Variants in ITGA2 observed in about 807,000 individuals in gnomAD.
ITGA2 encodes the protein integrin alpha-2.
In ITGA2, 101 loss-of-function variants were observed where a neutral mutation model predicts 146.3. That is an observed-to-expected ratio of 0.69 (90% confidence interval 0.59 to 0.81). ITGA2 has a LOEUF of 0.81. ITGA2 is among the 40% of genes least tolerant of loss of function. The pLI is 0.00. For synonymous variants in ITGA2, 477 were observed against 487.1 expected (o/e 0.98, Z 0.27); for missense variants, 1,281 against 1,402.7 (o/e 0.91, Z 1.39).
chr5:53,063,976 C>G (rs879762010), intron 13 of ITGA2, among the ~76,000 whole-genome samples: 11 of 151,744 alleles, frequency 7.2e-5, no homozygotes, highest in Admixed American at 6.6e-4. Flanking sequence ...GAACACTGAC[C>G]CAGTTTCATG....
intron 28 of ITGA2, 23 bp from the exon 29 acceptor site, chr5:53,089,922 TC>T (rs1740332129): frequency 7.2e-7 from 1 of 1,393,602 alleles, no homozygotes; most frequent in Non-Finnish European, 1.0e-6. Context: ...TTAAAATAAC[TC>T]AACTGTGAAC....
At position 53,011,114 on chromosome 5, in the gene ITGA2, C is replaced by A. The variant is rs187045648; in HGVS notation, c.65-15634C>A. Among the ~76,000 whole-genome samples the A allele has an allele frequency of 6.6e-5, 10 of 152,256 alleles. No individual in the cohort carries two copies. In the East Asian group the frequency reaches 1.9e-3, roughly 29 times the overall value. On this transcript the variant is annotated intron_variant, in intron 1 of 29. Transcript: ENST00000296585. ...GATTTTGGACTTCTGACCTTCAGAACTGTGAGAGAATAAACTTCTGCTGTT... is the reference window on the plus strand; with the variant it reads ...GATTTTGGACTTCTGACCTTCAGAAATGTGAGAGAATAAACTTCTGCTGTT...
intron 29 of ITGA2, 63 bp from the exon 30 acceptor site, chr5:53,090,456 G>C: frequency 7.1e-7 from 1 of 1,410,390 alleles, no homozygotes; most frequent in Non-Finnish European, 1.0e-6. Flanking sequence ...CAGCCAAGGG[G>C]GTCAGAGGCA....
intron 2 of ITGA2, 108 bp downstream of exon 2, chr5:53,026,976 G>A (rs1478579365): frequency 1.1e-6 from 1 of 937,792 alleles, no homozygotes; most frequent in East Asian, 2.6e-5. Context: ...TAAATGGGTG[G>A]CCCTCAAATA....
chr5:53,049,104 T>C (rs1284681816), intron 6 of ITGA2, among the ~76,000 whole-genome samples: 2 of 151,994 alleles, frequency 1.3e-5, no homozygotes, highest in African/African-American at 2.4e-5. Context: ...CTCTGCCTCC[T>C]GGGTTCAAGC....
At chr5:53,085,833 G>C (rs1477884628) in intron 27 of ITGA2, among the ~76,000 whole-genome samples, 1 of 152,158 alleles carries the variant, frequency 6.6e-6, no homozygotes, top group East Asian at 1.9e-4. Flanking sequence ...GCTGCATTCC[G>C]CTTCACAGTA....
At chr5:53,042,960 G>C (rs1467301969) in intron 3 of ITGA2, among the ~76,000 whole-genome samples, 1 of 152,132 alleles carries the variant, frequency 6.6e-6, no homozygotes, top group Non-Finnish European at 1.5e-5. Flanking sequence ...TAGTGATTAA[G>C]ACTTGGAAAC....
intron 2 of ITGA2, among the ~76,000 whole-genome samples, chr5:53,039,518 C>G (rs979867099): frequency 6.6e-6 from 1 of 151,398 alleles, no homozygotes; most frequent in African/African-American, 2.4e-5. Flanking sequence ...TGGAGGCGGG[C>G]GGATCACCTG....
chr5:53,072,595 T>C lies in ITGA2; in HGVS notation c.2347-18T>C, dbSNP rs1745449905. On this transcript the variant is annotated intron_variant, in intron 18 of 29. Transcript: ENST00000296585. ...CAACCCAAGAGCAAATGTATGGATC[T>C]TTTTTCCTTTTTCGTAGATTCCTTT... 1.3e-6 allele frequency: 2 copies of C among 1,597,788 alleles called. No individual in the cohort carries two copies. The highest frequency in any genetic ancestry group is 2.2e-5 in the East Asian group (1 of 44,502).
intron 12 of ITGA2, among the ~76,000 whole-genome samples, chr5:53,062,121 C>T (rs893229664): frequency 5.9e-5 from 9 of 151,802 alleles, no homozygotes; most frequent in African/African-American, 2.2e-4. Flanking sequence ...TCCACCTTGT[C>T]CTCCTGTCCC....
intron 1 of ITGA2, among the ~76,000 whole-genome samples, chr5:52,998,158 A>C (rs1741371574): frequency 6.6e-6 from 1 of 152,062 alleles, no homozygotes; most frequent in South Asian, 2.1e-4. Flanking sequence ...GTGAGCTATC[A>C]CCTTAACTCT....
At chr5:53,030,481 C>T (rs984307476) in intron 2 of ITGA2, among the ~76,000 whole-genome samples, 1 of 152,114 alleles carries the variant, frequency 6.6e-6, no homozygotes, top group Non-Finnish European at 1.5e-5. Context: ...TACAAGCATA[C>T]CCCACCATGC....
intron 2 of ITGA2, among the ~76,000 whole-genome samples, chr5:53,040,686 G>A (rs911774840): frequency 6.6e-6 from 1 of 152,178 alleles, no homozygotes; most frequent in Non-Finnish European, 1.5e-5. Context: ...GAATTAAAGT[G>A]TGCTAGAGTG....
At chr5:53,065,651 A>AT (rs1224350529) in intron 14 of ITGA2, 190 bp from the exon 15 acceptor site, 9 of 676,808 alleles carry the variant, frequency 1.3e-5, no homozygotes, top group Non-Finnish European at 2.2e-5. Context: ...TTCGATGAAA[A>AT]TGTGGCTGTA....
At chr5:53,011,491 A>T (rs1341738971) in intron 1 of ITGA2, among the ~76,000 whole-genome samples, 3 of 151,974 alleles carry the variant, frequency 2.0e-5, no homozygotes, top group Admixed American at 1.3e-4. Context: ...CCCTCTTGTC[A>T]TTGTTCCTGC....
intron 24 of ITGA2, among the ~76,000 whole-genome samples, chr5:53,079,204 A>T (rs926335044): frequency 5.3e-5 from 8 of 152,126 alleles, no homozygotes; most frequent in Non-Finnish European, 7.4e-5. Context: ...CTTTGTGCAT[A>T]GTTATGTGTC....
chr5:53,046,194 C>CAAAAAAA (rs58926174), intron 4 of ITGA2, among the ~76,000 whole-genome samples: 7 of 99,058 alleles, frequency 7.1e-5, no homozygotes, highest in Admixed American at 1.1e-4. Flanking sequence ...GACTCTGTCT[C>CAAAAAAA]AAAAAAAAAA....
chr5:53,014,525 A>G (rs1325386556), intron 1 of ITGA2, among the ~76,000 whole-genome samples: 1 of 152,098 alleles, frequency 6.6e-6, no homozygotes, highest in Non-Finnish European at 1.5e-5. Context: ...GGAATTTTGC[A>G]TCTATGTTCA....
chr5:53,094,629 T>C lies in ITGA2; in HGVS notation c.*4030T>C, dbSNP rs1039373716. 2 of 150,200 alleles carry C rather than the reference T, an allele frequency of 1.3e-5. No homozygotes were observed. Among genetic ancestry groups the C allele is most frequent in the South Asian group, 2.1e-4 (1 of 4,776 alleles). 9.3% of individuals were successfully genotyped at this position (150,200 alleles called of 1,614,324 possible). On this transcript the variant is annotated 3_prime_UTR_variant, in exon 30 of 30. Coordinates refer to ENST00000296585, the MANE Select transcript of ITGA2 (RefSeq NM_002203.4). ...TGATTTATGAGAAACAAAAATTAAATTGTAGTCAACAGTTAGTAGTTTTTC... is the reference window on the plus strand; with the variant it reads ...TGATTTATGAGAAACAAAAATTAAACTGTAGTCAACAGTTAGTAGTTTTTC...
Sources: gnomAD v4.1 joint callset for allele counts (sites outside exome capture counted in the v4.1 genomes callset) on GRCh38, gnomAD v4.1.1 for gene constraint, MANE v1.5 for transcripts, NCBI Gene and HGNC (gene_info 2026-07-23, HGNC 2026-07-21) for gene names.